TRAK1: variants seen among roughly 807,000 people sequenced by gnomAD.
The protein encoded by TRAK1 is trafficking kinesin protein 1.
TRAK1 carries 33 observed loss-of-function variants against 92.1 expected under a neutral mutation model. That is an observed-to-expected ratio of 0.36 (90% CI 0.27 to 0.48). The LOEUF (loss-of-function observed/expected upper bound fraction) is 0.48, where lower values mean the gene tolerates loss of function less well. Among genes scored for constraint, TRAK1 ranks in the 20% least tolerant of loss-of-function variants. TRAK1 has a pLI of 0.99. For missense variants in TRAK1, 1,123 were observed against 1,257.9 expected, an observed-to-expected ratio of 0.89 and a Z score of 1.62; for synonymous variants, 521 against 517.3, an observed-to-expected ratio of 1.01 and a Z score of -0.10.
intron 1 of TRAK1, among the ~76,000 whole-genome samples, chr3:42,027,428 C>T (rs1701961535): frequency 1.3e-5 from 2 of 151,730 alleles, no homozygotes; most frequent in Admixed American, 1.3e-4. Flanking sequence ...GAGGCTGAGG[C>T]AGGAGAATGG....
At chr3:42,193,288 T>C (rs569488017) in intron 8 of TRAK1, 83 bp downstream of exon 8, 156 of 1,555,516 alleles carry the variant, frequency 1.0e-4, no homozygotes, top group Non-Finnish European at 1.3e-4. Context: ...AAGACAGTGC[T>C]CTTTAGTTTC....
At position 42,176,866 on chromosome 3, in the gene TRAK1, T is replaced by G; in HGVS notation, c.339T>G (p.Asp113Glu). The G allele has an allele frequency of 1.2e-6, 2 of 1,614,166 alleles. No individual in the cohort carries two copies. The highest frequency in any genetic ancestry group is 2.2e-5 in the South Asian group (2 of 91,068). ...TGACTAAGACATATAATGACATAGA[T>G]GCTGTCACTCGGCTTCTTGAGGAGG... is the stretch of plus-strand genomic sequence containing the variant. Reference protein sequence around the residue: ...GQMTKTYNDIDAVTRLLEEKE... With the variant: ...GQMTKTYNDIEAVTRLLEEKE... The change falls in exon 3 of 16, where the codon GAT becomes GAG. Residue 113 changes from aspartate (D) to glutamate (E), a missense_variant. By Grantham distance (45) the Asp-to-Glu change is conservative. Around this residue, in one of 3 missense-constraint regions of TRAK1, gnomAD observed 686 missense variants for 747.6 expected, o/e 0.92. Coordinates refer to ENST00000327628, the MANE Select transcript of TRAK1 (RefSeq NM_001042646.3).
intron 2 of TRAK1, chr3:42,160,140 T>A: frequency 1.0e-6 from 1 of 1,003,108 alleles, no homozygotes; most frequent in Non-Finnish European, 1.2e-6. Context: ...TCCAGGCTCA[T>A]AGGAGCCACC....
chr3:42,112,395 T>C (rs1182785414), intron 1 of TRAK1, among the ~76,000 whole-genome samples: 1 of 146,960 alleles, frequency 6.8e-6, no homozygotes, highest in Non-Finnish European at 1.5e-5. Context: ...ACCACTGCAC[T>C]CCAGCCTGGG....
At chr3:42,170,949 C>G (rs1702471619) in intron 2 of TRAK1, among the ~76,000 whole-genome samples, 1 of 151,898 alleles carries the variant, frequency 6.6e-6, no homozygotes, top group Non-Finnish European at 1.5e-5. Flanking sequence ...TCAGCCTCCC[C>G]AGTGGCTGGG....
intron 1 of TRAK1, among the ~76,000 whole-genome samples, chr3:42,064,766 A>G (rs1355074345): frequency 6.6e-6 from 1 of 152,162 alleles, no homozygotes; most frequent in Non-Finnish European, 1.5e-5. Flanking sequence ...TACTTAAAAA[A>G]TACATGCCAG....
chr3:42,088,475 T>C (rs1704805388), upstream of TRAK1, among the ~76,000 whole-genome samples: 1 of 152,210 alleles, frequency 6.6e-6, no homozygotes, highest in Admixed American at 6.5e-5. Flanking sequence ...CATCATTCTT[T>C]TCCCCTTGCA....
At chr3:42,056,547 AT>A (rs1703213116) in intron 1 of TRAK1, among the ~76,000 whole-genome samples, 1 of 152,206 alleles carries the variant, frequency 6.6e-6, no homozygotes, top group Non-Finnish European at 1.5e-5. Context: ...ATTTTATATA[AT>A]TGATTTTAAA....
At chr3:42,087,782 T>A (rs989295354), upstream of TRAK1, among the ~76,000 whole-genome samples, 5 of 152,174 alleles carry the variant, frequency 3.3e-5, no homozygotes, top group Non-Finnish European at 1.5e-5. Context: ...ACAGGTGTAG[T>A]GGGAATAACA....
intron 2 of TRAK1, among the ~76,000 whole-genome samples, chr3:42,129,340 G>A (rs181074445): frequency 2.0e-5 from 3 of 152,222 alleles, no homozygotes; most frequent in African/African-American, 7.2e-5. Flanking sequence ...GTTCTGATAC[G>A]CTCCCCTACG....
At chr3:42,204,843 A>G (rs1205367377) in intron 13 of TRAK1, among the ~76,000 whole-genome samples, 1 of 152,048 alleles carries the variant, frequency 6.6e-6, no homozygotes, top group Non-Finnish European at 1.5e-5. Context: ...CAGCCTCCCA[A>G]AGTGTTAGGA....
At chr3:42,035,720 C>G (rs1254708883) in intron 1 of TRAK1, among the ~76,000 whole-genome samples, 1 of 152,170 alleles carries the variant, frequency 6.6e-6, no homozygotes, top group Non-Finnish European at 1.5e-5. Context: ...CCATCACTCC[C>G]CTGCTTAAAA....
upstream of TRAK1, chr3:42,091,162 C>A: frequency 3.1e-6 from 1 of 321,480 alleles, no homozygotes; most frequent in Non-Finnish European, 5.7e-6. Context: ...ACCGAATGCC[C>A]ATCACAAAGC....
chr3:42,179,719 G>A (rs1337070621), intron 3 of TRAK1, among the ~76,000 whole-genome samples: 1 of 152,142 alleles, frequency 6.6e-6, no homozygotes, highest in South Asian at 2.1e-4. Flanking sequence ...TGCTTTTAAA[G>A]CATAGTGAGG....
Position 42,225,794 on chromosome 3 carries a change from ATT to A in TRAK1, c.*2060_*2061del. 1 of 152,308 alleles carries A rather than the reference ATT, an allele frequency of 6.6e-6. No homozygotes were observed. Among genetic ancestry groups the A allele is most frequent in the South Asian group, 2.1e-4 (1 of 4,830 alleles). The allele number at this position is 152,308 out of a possible 1,614,324, so 9.4% of individuals were successfully genotyped here. ...AAACCACACTGGTATTCTGATTTGT[ATT>A]TTGTTTTTATCTTTTCATCAAGGAG... On this transcript the variant is annotated 3_prime_UTR_variant, in exon 16 of 16. Transcript: ENST00000327628.
intron 1 of TRAK1, among the ~76,000 whole-genome samples, chr3:42,112,839 C>G (rs2149082295): frequency 6.6e-6 from 1 of 152,014 alleles, no homozygotes; most frequent in South Asian, 2.1e-4. Context: ...GGCATGGTCA[C>G]AGCTCACTGC....
At chr3:42,032,568 T>C (rs1055201618) in intron 1 of TRAK1, among the ~76,000 whole-genome samples, 1 of 151,948 alleles carries the variant, frequency 6.6e-6, no homozygotes. Flanking sequence ...TAAATAAATA[T>C]CAAACAAATT....
intron 1 of TRAK1, among the ~76,000 whole-genome samples, chr3:42,026,509 AGAGATCAGT>A (rs1284205008): frequency 6.6e-6 from 1 of 150,630 alleles, no homozygotes; most frequent in Non-Finnish European, 1.5e-5. Context: ...CAGTGATCAA[AGAGATCAGT>A]GATCTCTTTT....
At chr3:42,125,873 T>G (rs536238549) in intron 2 of TRAK1, among the ~76,000 whole-genome samples, 4 of 152,308 alleles carry the variant, frequency 2.6e-5, no homozygotes, top group East Asian at 3.9e-4. Context: ...TTTTTTGAGA[T>G]GGAGTCTAGC....
Sources: gnomAD v4.1 joint callset for allele counts (sites outside exome capture counted in the v4.1 genomes callset) on GRCh38, gnomAD v4.1.1 for gene constraint, gnomAD v4.1.1 regional missense constraint, MANE v1.5 for transcripts, NCBI Gene and HGNC (gene_info 2026-07-23, HGNC 2026-07-21) for gene names.